Variants in KHDRBS3 observed in about 807,000 individuals in gnomAD.
KHDRBS3 encodes KH domain-containing, RNA-binding, signal transduction-associated protein 3.
In KHDRBS3, 23 loss-of-function variants were observed where a neutral mutation model predicts 45.6. The observed-to-expected ratio is 0.50, with a 90% CI of 0.36 to 0.72. The LOEUF is 0.72. Among genes scored for constraint, KHDRBS3 ranks in the 30% least tolerant of loss-of-function variants. The pLI is 0.00. For synonymous variants in KHDRBS3, 162 were observed against 156.5 expected (o/e 1.04, Z -0.26); for missense variants, 352 against 424.8 (o/e 0.83, Z 1.51).
chr8:135,655,475 C>T (rs1262266913), intron 4 of KHDRBS3, among the ~76,000 whole-genome samples: 1 of 152,204 alleles, frequency 6.6e-6, no homozygotes. Context: ...TCAACCAAGA[C>T]ATGAAATGGC....
At position 135,457,516 on chromosome 8, in the gene KHDRBS3, G is replaced by GCTGGCGGGA. The variant is rs1303309432; in HGVS notation, c.-342_-334dup. The GCTGGCGGGA allele has an allele frequency of 6.8e-5, 10 of 147,244 alleles. No homozygotes were observed. The East Asian group carries it at 1.8e-3, about 26-fold the overall frequency. The allele number at this position is 147,244 out of a possible 1,614,324, so 9.1% of individuals were successfully genotyped here. A position where few individuals can be genotyped will look rare whatever the true frequency, so the allele number is the denominator to read the frequency against. On this transcript the variant is annotated 5_prime_UTR_variant, in exon 1 of 9. Coordinates refer to ENST00000355849, the MANE Select transcript of KHDRBS3 (RefSeq NM_006558.3). This position sits in a 1 kb window ranked among gnomAD's most constrained non-coding sequence, Gnocchi z 4.4. ...AGCTGTGGCTCGGGTGCTGGCAGGT[G>GCTGGCGGGA]CTGGCGGGACTGGCGGGGATCGCCG...
In KHDRBS3 at chr8:135,591,778, T is replaced by G. The variant is rs79866117; in HGVS notation, c.807+9705T>G. Among the ~76,000 whole-genome samples the G allele has an allele frequency of 9.0e-3, 1,369 of 152,334 alleles. 22 individuals are homozygous for G. Among genetic ancestry groups the G allele is most frequent in the African/African-American group, 0.031 (1,297 of 41,582 alleles). On this transcript the variant is annotated intron_variant, in intron 6 of 8. Coordinates refer to ENST00000355849, the MANE Select transcript of KHDRBS3 (RefSeq NM_006558.3). Reference sequence around the variant, plus strand: ...ATCCTTCTCACTTTTTTGAGAAAGCTAGAGCTCACCTGAAGCTTTAATTGT... The same window carrying G: ...ATCCTTCTCACTTTTTTGAGAAAGCGAGAGCTCACCTGAAGCTTTAATTGT...
chr8:135,619,863 T>C (rs982053332), intron 7 of KHDRBS3, among the ~76,000 whole-genome samples: 1 of 152,218 alleles, frequency 6.6e-6, no homozygotes, highest in African/African-American at 2.4e-5. Flanking sequence ...TCAGGGAAAC[T>C]GGTTACAAAG....
chr8:135,458,707 A>G, intron 1 of KHDRBS3: 1 of 372,038 alleles, frequency 2.7e-6, no homozygotes, highest in Non-Finnish European at 5.3e-6. Context: ...GGTGACCCTC[A>G]TTGGTGGCTG....
intron 1 of KHDRBS3, among the ~76,000 whole-genome samples, chr8:135,476,027 G>A (rs942353680): frequency 6.6e-6 from 1 of 152,206 alleles, no homozygotes; most frequent in African/African-American, 2.4e-5. Flanking sequence ...GACAATCTGT[G>A]TAGTATTCAG....
At chr8:135,573,708 GTT>G (rs1491082554) in intron 5 of KHDRBS3, among the ~76,000 whole-genome samples, 1 of 124,504 alleles carries the variant, frequency 8.0e-6, no homozygotes, top group Admixed American at 7.3e-5. Context: ...CTGAGTGACT[GTT>G]TTTTTGTTTT....
At chr8:135,613,860 T>C (rs1252646134) in intron 7 of KHDRBS3, among the ~76,000 whole-genome samples, 6 of 151,648 alleles carry the variant, frequency 4.0e-5, no homozygotes, top group African/African-American at 1.5e-4. Context: ...CTTCTTTCCA[T>C]AATGACTTTT....
At chr8:135,560,043 C>A (rs1827092773) in intron 5 of KHDRBS3, among the ~76,000 whole-genome samples, 1 of 152,020 alleles carries the variant, frequency 6.6e-6, no homozygotes, top group African/African-American at 2.4e-5. Flanking sequence ...TAGCCAGACC[C>A]CATCTCTGCA....
At chr8:135,575,149 A>G (rs1827892094) in intron 5 of KHDRBS3, among the ~76,000 whole-genome samples, 1 of 152,248 alleles carries the variant, frequency 6.6e-6, no homozygotes, top group South Asian at 2.1e-4. Context: ...TTAAAGGTTT[A>G]CCTGAGGGTG....
intron 1 of KHDRBS3, among the ~76,000 whole-genome samples, chr8:135,505,090 A>AT (rs1823923477): frequency 6.6e-6 from 1 of 152,228 alleles, no homozygotes. Flanking sequence ...TTAGGGCCTT[A>AT]TTAACCATCA....
rs138530594 is a variant in KHDRBS3, at chr8:135,502,704, C to T, written c.89-18533C>T. Among the ~76,000 whole-genome samples the T allele has an allele frequency of 5.6e-4, 86 of 152,242 alleles. 1 individual carries two copies. The highest frequency in any genetic ancestry group is 2.0e-3 in the African/African-American group (84 of 41,554). On this transcript the variant is annotated intron_variant, in intron 1 of 8. Transcript: ENST00000355849. ...AAGTCCGTGTGTGCTTTTTCCAACCCGTCGAGCTGCTGCTTAGAATTATTA... is the reference window on the plus strand; with the variant it reads ...AAGTCCGTGTGTGCTTTTTCCAACCTGTCGAGCTGCTGCTTAGAATTATTA...
intron 2 of KHDRBS3, 87 bp from the exon 3 acceptor site, chr8:135,542,567 A>G (rs1418530767): frequency 1.2e-6 from 1 of 813,260 alleles, no homozygotes; most frequent in Non-Finnish European, 2.1e-6. Context: ...AATGATGTGT[A>G]GCACACTACA....
At chr8:135,639,053 G>A (rs1830944207) in intron 7 of KHDRBS3, among the ~76,000 whole-genome samples, 1 of 151,900 alleles carries the variant, frequency 6.6e-6, no homozygotes, top group Admixed American at 6.6e-5. Context: ...AAGAAAGTAT[G>A]TCAAGGAAGA....
chr8:135,537,214 A>C (rs904390280), intron 2 of KHDRBS3, among the ~76,000 whole-genome samples: 1 of 152,076 alleles, frequency 6.6e-6, no homozygotes, highest in Non-Finnish European at 1.5e-5. Flanking sequence ...AGCATGTTTG[A>C]AGCTATGGTG....
At chr8:135,638,917 C>G (rs553508642) in intron 7 of KHDRBS3, among the ~76,000 whole-genome samples, 1 of 149,898 alleles carries the variant, frequency 6.7e-6, no homozygotes, top group Non-Finnish European at 1.5e-5. Context: ...GCCAAGAGCG[C>G]GCCACTGCAC....
chr8:135,552,651 A>T lies in KHDRBS3; in HGVS notation c.471+3751A>T, dbSNP rs574133605. ...GTTTTTGTTGCTGAGGTGTTTTTTA[A>T]TTTTTTTTATTTTTTTGTCTTCTAT... On this transcript the variant is annotated intron_variant, in intron 4 of 8. Transcript: ENST00000355849. 6.7e-4 allele frequency among the ~76,000 whole-genome samples: 101 copies of T among 151,770 alleles called. 1 individual carries two copies. In the East Asian group the frequency reaches 0.016, roughly 23 times the overall value.
intron 2 of KHDRBS3, among the ~76,000 whole-genome samples, chr8:135,527,120 T>G (rs945963657): frequency 6.6e-6 from 1 of 152,218 alleles, no homozygotes; most frequent in Non-Finnish European, 1.5e-5. Flanking sequence ...TGGATCCGGC[T>G]CTGTCTATAC....
At chr8:135,589,512 T>C (rs1828642763) in intron 6 of KHDRBS3, among the ~76,000 whole-genome samples, 1 of 152,194 alleles carries the variant, frequency 6.6e-6, no homozygotes, top group African/African-American at 2.4e-5. Context: ...CTGTAAACTG[T>C]TTTCCCGAGC....
At chr8:135,489,510 T>G (rs1295082499) in intron 1 of KHDRBS3, among the ~76,000 whole-genome samples, 1 of 152,154 alleles carries the variant, frequency 6.6e-6, no homozygotes, top group Non-Finnish European at 1.5e-5. Flanking sequence ...AAACCCTGTC[T>G]CTACTAAAAA....
Sources: gnomAD v4.1 joint callset for allele counts (sites outside exome capture counted in the v4.1 genomes callset) on GRCh38, gnomAD v4.1.1 for gene constraint, Gnocchi (gnomAD v3.1) non-coding constraint, MANE v1.5 for transcripts, NCBI Gene and HGNC (gene_info 2026-07-23, HGNC 2026-07-21) for gene names.